Variants in SLC8A1 observed in about 807,000 individuals in gnomAD.
SLC8A1 encodes the protein solute carrier family 8 member A1, also known as sodium/calcium exchanger 1.
SLC8A1 carries 18 observed loss-of-function variants against 68.3 expected under a neutral mutation model. The ratio of observed to expected loss-of-function variants is 0.26; its 90% CI spans 0.18 to 0.39. SLC8A1 has a LOEUF of 0.39. SLC8A1 is among the 10% of genes least tolerant of loss of function. The pLI is 1.00. For synonymous variants in SLC8A1, 475 were observed against 415.5 expected, an observed-to-expected ratio of 1.14 and a Z score of -1.74; for missense variants, 985 against 1,156.7, an observed-to-expected ratio of 0.85 and a Z score of 2.15.
At chr2:40,508,636 G>C (rs1180349574) in intron 1 of SLC8A1, among the ~76,000 whole-genome samples, 1 of 152,062 alleles carries the variant, frequency 6.6e-6, no homozygotes. Context: ...CTTTATTATA[G>C]AGAAAACTTC....
chr2:40,396,303 C>T lies in SLC8A1; in HGVS notation c.1808+32170G>A, dbSNP rs182794806. ...GTTAATTAGGCAGTAACTTGAAGAG[C>T]GCTGCTTTTCCCATAGAAGTCAGGT... On this transcript the variant is annotated intron_variant, in intron 2 of 7. Coordinates refer to ENST00000406785, the Ensembl canonical transcript of SLC8A1. Among the ~76,000 whole-genome samples, 8 of 152,210 alleles carry T rather than the reference C, an allele frequency of 5.3e-5. No homozygotes were observed. The East Asian group carries it at 7.7e-4, about 15-fold the overall frequency.
At chr2:40,490,321 T>C (rs1384867203) in intron 1 of SLC8A1, among the ~76,000 whole-genome samples, 2 of 152,170 alleles carry the variant, frequency 1.3e-5, no homozygotes. Context: ...ACAGACACTT[T>C]AGTATTTCAA....
intron 1 of SLC8A1, among the ~76,000 whole-genome samples, chr2:40,502,939 T>C (rs1453211626): frequency 6.6e-6 from 1 of 151,774 alleles, no homozygotes; most frequent in African/African-American, 2.4e-5. Flanking sequence ...GCTCGAGCAA[T>C]AGCAAAACCC....
intron 5 of SLC8A1, among the ~76,000 whole-genome samples, chr2:40,161,613 C>G (rs916333716): frequency 6.6e-6 from 1 of 152,182 alleles, no homozygotes; most frequent in African/African-American, 2.4e-5. Flanking sequence ...TCAGTACTCT[C>G]TAGCTTTCTA....
At chr2:40,482,941 C>A (rs1164052112) in intron 1 of SLC8A1, among the ~76,000 whole-genome samples, 1 of 150,888 alleles carries the variant, frequency 6.6e-6, no homozygotes, top group East Asian at 1.9e-4. Context: ...CAGGCGCCCG[C>A]CACCACGCCC....
At chr2:40,347,675 T>C (rs1231616995) in intron 2 of SLC8A1, among the ~76,000 whole-genome samples, 1 of 152,246 alleles carries the variant, frequency 6.6e-6, no homozygotes, top group African/African-American at 2.4e-5. Flanking sequence ...AATGTTATAC[T>C]AACAATTTTA....
chr2:40,154,484 C>CTTTT (rs869231195), intron 6 of SLC8A1, among the ~76,000 whole-genome samples: 1 of 46,190 alleles, frequency 2.2e-5, no homozygotes, highest in African/African-American at 5.4e-5. Context: ...TTTTTCTTTT[C>CTTTT]TTTTTTTTTT....
At chr2:40,211,332 G>C (rs1401011816) in intron 2 of SLC8A1, among the ~76,000 whole-genome samples, 6 of 152,100 alleles carry the variant, frequency 3.9e-5, no homozygotes, top group Non-Finnish European at 5.9e-5. Context: ...CATTTTATTT[G>C]TCTTTTTGAG....
chr2:40,485,734 A>G (rs999912662), intron 1 of SLC8A1, among the ~76,000 whole-genome samples: 4 of 152,204 alleles, frequency 2.6e-5, no homozygotes, highest in Non-Finnish European at 4.4e-5. Flanking sequence ...GAAATCCTCA[A>G]GAAGACAACT....
intron 2 of SLC8A1, among the ~76,000 whole-genome samples, chr2:40,269,193 T>C (rs924342395): frequency 6.6e-6 from 1 of 152,226 alleles, no homozygotes; most frequent in Non-Finnish European, 1.5e-5. Flanking sequence ...GTCTTTATTA[T>C]AGAAATTATA....
At chr2:40,256,059 C>T (rs959738127) in intron 2 of SLC8A1, among the ~76,000 whole-genome samples, 5 of 152,144 alleles carry the variant, frequency 3.3e-5, no homozygotes, top group Admixed American at 1.3e-4. Context: ...GAAATCTAAC[C>T]GAAGCCACAG....
rs540325618 is a variant in SLC8A1 at position 40,391,481 on chromosome 2, T to C, written c.1808+36992A>G. 1.1e-3 allele frequency among the ~76,000 whole-genome samples: 161 copies of C among 152,142 alleles called. 4 individuals are homozygous for C. The highest frequency in any genetic ancestry group is 1.3e-3 in the Admixed American group (20 of 15,258). On this transcript the variant is annotated intron_variant, in intron 2 of 7. Coordinates refer to ENST00000406785, the Ensembl canonical transcript of SLC8A1. ...GGCAAACTAGGAGATTACAGCTGAA[T>C]TTCTCTCCCTCCATTCAATGTGAAG...
intron 1 of SLC8A1, among the ~76,000 whole-genome samples, chr2:40,436,674 C>T (rs1699482991): frequency 6.6e-6 from 1 of 151,948 alleles, no homozygotes; most frequent in Non-Finnish European, 1.5e-5. Context: ...TATTCAAGCA[C>T]AACAAAAATC....
chr2:40,322,518 A>C (rs1448669544), intron 2 of SLC8A1, among the ~76,000 whole-genome samples: 1 of 150,866 alleles, frequency 6.6e-6, no homozygotes, highest in African/African-American at 2.4e-5. Flanking sequence ...AAAAAAAAAA[A>C]AAAAAAAATT....
At chr2:40,497,389 A>G (rs138199513) in intron 1 of SLC8A1, among the ~76,000 whole-genome samples, 172 of 152,158 alleles carry the variant, frequency 1.1e-3, no homozygotes, top group African/African-American at 4.1e-3. Flanking sequence ...TACACCCTCA[A>G]GGCACTTAGA....
chr2:40,361,586 G>A (rs980354720), intron 2 of SLC8A1, among the ~76,000 whole-genome samples: 2 of 151,734 alleles, frequency 1.3e-5, no homozygotes, highest in African/African-American at 4.8e-5. Flanking sequence ...AATCTGAAGT[G>A]CAATCAAGAA....
chr2:40,254,675 A>G (rs1275269819), intron 2 of SLC8A1: 1 of 152,208 alleles, frequency 6.6e-6, no homozygotes, highest in Non-Finnish European at 1.5e-5. Context: ...TGCCACTCTA[A>G]TGCTGTCTAG....
chr2:40,456,100 A>T (rs1225503243), upstream of SLC8A1, among the ~76,000 whole-genome samples: 3 of 152,128 alleles, frequency 2.0e-5, no homozygotes, highest in Non-Finnish European at 4.4e-5. Context: ...GTGGATCACG[A>T]GGTCAGGAGA....
rs570794279 is a variant in SLC8A1, at chr2:40,387,738, G to C, written c.1808+40735C>G. On this transcript the variant is annotated intron_variant, in intron 2 of 7. Coordinates refer to ENST00000406785, the Ensembl canonical transcript of SLC8A1. Reference sequence around the variant, plus strand: ...GGATCACTTGAGGTCAGGAGTTTGAGACCAGCCTGGCCAACATGGTGAAAC... The same window carrying C: ...GGATCACTTGAGGTCAGGAGTTTGACACCAGCCTGGCCAACATGGTGAAAC... 1.0e-3 allele frequency among the ~76,000 whole-genome samples: 152 copies of C among 146,602 alleles called. 7 individuals carry two copies. The highest frequency in any genetic ancestry group is 4.0e-3 in the African/African-American group (147 of 36,414).
Sources: allele counts gnomAD v4.1 joint callset (sites outside exome capture counted in the v4.1 genomes callset), GRCh38; gene constraint gnomAD v4.1.1; transcripts MANE v1.5; gene names NCBI Gene and HGNC (gene_info 2026-07-23, HGNC 2026-07-21).